COLGALT2: variants seen among roughly 807,000 people sequenced by gnomAD.
The protein encoded by COLGALT2 is collagen beta(1-O)galactosyltransferase 2.
A neutral mutation model predicts 73.4 loss-of-function variants in COLGALT2; 49 were observed. The ratio of observed to expected loss-of-function variants is 0.67; its 90% CI spans 0.53 to 0.85. The LOEUF (loss-of-function observed/expected upper bound fraction) is 0.85, where lower values mean the gene tolerates loss of function less well. Among genes scored for constraint, COLGALT2 ranks in the 40% least tolerant of loss-of-function variants. COLGALT2 has a pLI of 0.00. For missense variants in COLGALT2, 722 were observed against 790.2 expected, an observed-to-expected ratio of 0.91 and a Z score of 1.03; for synonymous variants, 295 against 307.6, an observed-to-expected ratio of 0.96 and a Z score of 0.43.
chr1:184,030,930 C>T (rs1240001175), intron 1 of COLGALT2, among the ~76,000 whole-genome samples: 1 of 152,234 alleles, frequency 6.6e-6, no homozygotes, highest in Non-Finnish European at 1.5e-5. Context: ...TTAGATGCCT[C>T]ATCATGGAAC....
chr1:184,023,439 G>A (rs55734904), intron 1 of COLGALT2, among the ~76,000 whole-genome samples: 5,042 of 152,252 alleles, frequency 0.033, 269 homozygotes, highest in African/African-American at 0.11. Flanking sequence ...ACTTCAGTGT[G>A]ATAATCCACT....
chr1:183,951,054 C>G lies in COLGALT2; in HGVS notation c.1089G>C (p.Leu363=). 3 of 1,613,898 alleles carry G rather than the reference C, an allele frequency of 1.9e-6. No individual in the cohort carries two copies. Among genetic ancestry groups the G allele is most frequent in the Middle Eastern group, 1.6e-4 (1 of 6,062 alleles). Residue 363 remains leucine (L), a synonymous_variant, in exon 8 of 12, where the codon CTG becomes CTC. Transcript: ENST00000361927. ...TCTTGACCTCAATCTCCTGTTCATA[C>G]AGTGTGCGCAGCATCCGGTCCCGCC... ...KDRRDRMLRT[L]YEQEIEVKIV... is the part of the protein sequence containing the mutation.
rs763821033 is a variant in COLGALT2, at chr1:183,973,624, T to A, written c.619A>T (p.Thr207Ser). 1 of 1,613,872 alleles carries A rather than the reference T, an allele frequency of 6.2e-7. No individual in the cohort carries two copies. Among genetic ancestry groups the A allele is most frequent in the African/African-American group, 1.3e-5 (1 of 74,874 alleles). The change falls in exon 4 of 12, where the codon ACC becomes TCC. Residue 207 changes from threonine (T) to serine (S), a missense_variant. Transcript: ENST00000361927. ...GLYSNFWCGI[T>S]PKGFYKRTPD... ...TTAAGCAAAAGACTTGCCTTAGGGG[T>A]GATTCCGCACCAGAAATTAGAATAC... is the stretch of plus-strand genomic sequence containing the variant.
intron 2 of COLGALT2, among the ~76,000 whole-genome samples, chr1:183,977,651 T>C (rs922226057): frequency 6.6e-6 from 1 of 151,826 alleles, no homozygotes; most frequent in African/African-American, 2.4e-5. Context: ...TAGCCAGGCA[T>C]AGTGGTGCAT....
intron 1 of COLGALT2, among the ~76,000 whole-genome samples, chr1:184,013,879 A>G (rs1648900089): frequency 6.6e-6 from 1 of 152,190 alleles, no homozygotes; most frequent in Non-Finnish European, 1.5e-5. Context: ...ACAACTGACA[A>G]AAACTGATTA....
intron 2 of COLGALT2, among the ~76,000 whole-genome samples, chr1:183,977,853 G>GAAGAA (rs145385368): frequency 0.025 from 3,045 of 122,910 alleles, 138 homozygotes; most frequent in African/African-American, 0.088. Flanking sequence ...GAAGAGAAGC[G>GAAGAA]AAGAAAAGAA....
At chr1:183,969,218 G>T in intron 5 of COLGALT2, 51 bp downstream of exon 5, 1 of 1,444,010 alleles carries the variant, frequency 6.9e-7, no homozygotes, top group Non-Finnish European at 9.4e-7. Context: ...AAAGGAGCTG[G>T]TCATTTTGCT....
chr1:184,021,969 T>C (rs565856890), intron 1 of COLGALT2, among the ~76,000 whole-genome samples: 33 of 152,262 alleles, frequency 2.2e-4, no homozygotes, highest in Non-Finnish European at 3.7e-4. Context: ...TTGTTAACAG[T>C]TGATTGTTCA....
intron 1 of COLGALT2, 43 bp from the exon 2 acceptor site, chr1:183,978,563 A>G (rs373295594): frequency 8.8e-6 from 11 of 1,253,770 alleles, no homozygotes; most frequent in African/African-American, 4.5e-5. Context: ...ATGTCATCCA[A>G]TGAAAGAGAG....
At chr1:183,963,853 C>T in intron 6 of COLGALT2, 48 bp downstream of exon 6, 1 of 1,499,782 alleles carries the variant, frequency 6.7e-7, no homozygotes, top group South Asian at 1.4e-5. Context: ...GGTATGGTCA[C>T]TGTGGCAATG....
intron 6 of COLGALT2, among the ~76,000 whole-genome samples, chr1:183,961,116 C>G (rs1259470340): frequency 6.6e-6 from 1 of 152,054 alleles, no homozygotes; most frequent in Non-Finnish European, 1.5e-5. Context: ...TTTTCTTACT[C>G]CTATTGTGTT....
intron 1 of COLGALT2, among the ~76,000 whole-genome samples, chr1:184,009,411 C>T (rs909626696): frequency 1.3e-5 from 2 of 152,126 alleles, no homozygotes; most frequent in African/African-American, 4.8e-5. Flanking sequence ...TGATTCTTAC[C>T]TTGTCCCTTT....
chr1:183,994,380 C>T (rs1275820903), intron 1 of COLGALT2, among the ~76,000 whole-genome samples: 5 of 151,802 alleles, frequency 3.3e-5, no homozygotes, highest in Admixed American at 6.6e-5. Flanking sequence ...AGGTATTCTC[C>T]GTATCTTATG....
chr1:183,963,325 A>C (rs1887277), intron 6 of COLGALT2, among the ~76,000 whole-genome samples: 61,787 of 151,980 alleles, frequency 0.41, 13,931 homozygotes, highest in African/African-American at 0.59. Context: ...CATAATAAAA[A>C]CCCTTCATTG....
intron 8 of COLGALT2, among the ~76,000 whole-genome samples, chr1:183,947,030 C>CA (rs887251595): frequency 1.2e-4 from 17 of 143,552 alleles, no homozygotes; most frequent in South Asian, 8.8e-4. Flanking sequence ...GACTCCATCT[C>CA]AAAAAAAAAA....
intron 1 of COLGALT2, among the ~76,000 whole-genome samples, chr1:184,013,205 C>T (rs1648868794): frequency 6.6e-6 from 1 of 152,182 alleles, no homozygotes; most frequent in Non-Finnish European, 1.5e-5. Flanking sequence ...ATCCCAGCTA[C>T]TCAGGAGGCT....
intron 1 of COLGALT2, among the ~76,000 whole-genome samples, chr1:184,032,145 C>T (rs368590958): frequency 3.3e-5 from 5 of 151,934 alleles, no homozygotes; most frequent in African/African-American, 1.2e-4. Context: ...CTGCCCACCT[C>T]GGCCCCCCAA....
intron 6 of COLGALT2, among the ~76,000 whole-genome samples, chr1:183,963,024 T>A (rs1275229337): frequency 1.1e-4 from 16 of 152,188 alleles, no homozygotes. Flanking sequence ...CAGAAAATAG[T>A]CCCTGCTTTG....
intron 5 of COLGALT2, 145 bp from the exon 6 acceptor site, chr1:183,964,165 TA>T (rs1024864781): frequency 1.4e-6 from 1 of 714,030 alleles, no homozygotes; most frequent in Non-Finnish European, 2.1e-6. Flanking sequence ...TCTATAGACC[TA>T]AAAAATGCTC....
Sources: allele counts gnomAD v4.1 joint callset (sites outside exome capture counted in the v4.1 genomes callset), GRCh38; gene constraint gnomAD v4.1.1; transcripts MANE v1.5; gene names NCBI Gene and HGNC (gene_info 2026-07-23, HGNC 2026-07-21).